The following MYO9A variants were observed in gnomAD, a reference collection of about 807,000 sequenced individuals.
The protein encoded by MYO9A is myosin IXA.
In MYO9A, 103 loss-of-function variants were observed where a neutral mutation model predicts 293.3. The ratio of observed to expected loss-of-function variants is 0.35; its 90% confidence interval spans 0.30 to 0.41. The LOEUF is 0.41. MYO9A is among the 10% of genes least tolerant of loss of function. MYO9A has a pLI of 1.00. For missense variants in MYO9A, 2,685 were observed against 3,033.0 expected (o/e 0.89, Z 2.69); for synonymous variants, 1,001 against 1,035.7 (o/e 0.97, Z 0.64).
intron 39 of MYO9A, among the ~76,000 whole-genome samples, chr15:71,846,056 C>T (rs1370135455): frequency 2.0e-5 from 3 of 152,138 alleles, no homozygotes; most frequent in African/African-American, 7.2e-5. Flanking sequence ...TTTTGGAAAA[C>T]TTGTATCTGC....
At chr15:71,893,917 C>T (rs2057249846) in intron 25 of MYO9A, 139 bp from the exon 26 acceptor site, 1 of 688,390 alleles carries the variant, frequency 1.5e-6, no homozygotes, top group East Asian at 2.7e-5. Flanking sequence ...ATTTTTTCTG[C>T]TTAGCTAATT....
intron 13 of MYO9A, among the ~76,000 whole-genome samples, chr15:71,967,231 T>C (rs143408133): frequency 6.6e-6 from 1 of 152,318 alleles, no homozygotes; most frequent in African/African-American, 2.4e-5. Context: ...CACATATATA[T>C]ATGCACACAC....
chr15:72,105,037 G>A (rs1203776218), intron 1 of MYO9A, among the ~76,000 whole-genome samples: 8 of 151,910 alleles, frequency 5.3e-5, no homozygotes, highest in South Asian at 2.1e-4. Flanking sequence ...AATAAAGCAG[G>A]CAAATCATCT....
intron 34 of MYO9A, among the ~76,000 whole-genome samples, chr15:71,855,441 T>C (rs28545732): frequency 0.024 from 3,699 of 152,262 alleles, 145 homozygotes; most frequent in African/African-American, 0.084. Flanking sequence ...CAGCCAATAT[T>C]ATACTTTATT....
intron 1 of MYO9A, among the ~76,000 whole-genome samples, chr15:72,057,738 A>G (rs1240969287): frequency 6.6e-6 from 1 of 152,244 alleles, no homozygotes; most frequent in Non-Finnish European, 1.5e-5. Flanking sequence ...TGAATGCATA[A>G]AAGAAGGCTC....
At chr15:71,961,247 T>C (rs1244930034) in intron 13 of MYO9A, among the ~76,000 whole-genome samples, 1 of 152,176 alleles carries the variant, frequency 6.6e-6, no homozygotes, top group Non-Finnish European at 1.5e-5. Flanking sequence ...AAAAACCTGC[T>C]GATTAATTAG....
Position 71,985,024 on chromosome 15 carries a change from A to G in MYO9A, c.1722+6079T>C, listed in dbSNP as rs1169798564. 2.0e-5 allele frequency among the ~76,000 whole-genome samples: 3 copies of G among 151,972 alleles called. 1 individual carries two copies. The highest frequency in any genetic ancestry group is 4.4e-5 in the Non-Finnish European group (3 of 67,966). ...AACCTCCGCCTCCTGGGTTCAAGCA[A>G]TTCTCCTCCCTCAGCCTCTTGTATA... On this transcript the variant is annotated intron_variant, in intron 11 of 41. Transcript: ENST00000356056.
At chr15:71,848,498 A>G (rs1370275944) in intron 39 of MYO9A, among the ~76,000 whole-genome samples, 2 of 152,178 alleles carry the variant, frequency 1.3e-5, no homozygotes, top group Non-Finnish European at 2.9e-5. Context: ...ACACGATTAA[A>G]GGCGGGAACA....
chr15:72,104,365 G>A (rs961561634), intron 1 of MYO9A, among the ~76,000 whole-genome samples: 1 of 152,176 alleles, frequency 6.6e-6, no homozygotes, highest in African/African-American at 2.4e-5. Context: ...TTATCAGGAT[G>A]TAACCCCACT....
At chr15:71,835,173 A>T (rs1383065716) in intron 39 of MYO9A, among the ~76,000 whole-genome samples, 1 of 152,200 alleles carries the variant, frequency 6.6e-6, no homozygotes, top group African/African-American at 2.4e-5. Flanking sequence ...GTACCTACAA[A>T]AATTCTATAG....
rs1358059682 is a variant in MYO9A at position 71,823,938 on chromosome 15, CTT to C, written c.*2640_*2641del. 6.6e-6 allele frequency: 1 copy of C among 152,244 alleles called. No homozygotes were observed. Among genetic ancestry groups the C allele is most frequent in the Non-Finnish European group, 1.5e-5 (1 of 68,054 alleles). The allele number at this position is 152,244 out of a possible 1,614,324, so 9.4% of individuals were successfully genotyped here. A position where few individuals can be genotyped will look rare whatever the true frequency, so the allele number is the denominator to read the frequency against. On this transcript the variant is annotated 3_prime_UTR_variant, in exon 42 of 42. Transcript: ENST00000356056. ...GCGGCATCACTTTGTGGTGACATAA[CTT>C]TACCATGCAGAGGGCCAGTGAGAAC... is the stretch of plus-strand genomic sequence containing the variant.
chr15:71,884,010 T>A (rs1596103793), intron 27 of MYO9A, among the ~76,000 whole-genome samples: 3 of 152,136 alleles, frequency 2.0e-5, no homozygotes, highest in Admixed American at 2.0e-4. Flanking sequence ...AAGTTCAATA[T>A]TTTTTCTAAG....
Position 71,935,434 on chromosome 15 carries a change from C to T in MYO9A, c.2429G>A (p.Arg810Lys), listed in dbSNP as rs774202669. 6.2e-7 allele frequency: 1 copy of T among 1,613,534 alleles called. No individual in the cohort carries two copies. Among genetic ancestry groups the T allele is most frequent in the South Asian group, 1.1e-5 (1 of 91,066 alleles). Residue 810 changes from arginine (R) to lysine (K), a missense_variant, in exon 17 of 42, where the codon AGA becomes AAA. This residue lies in a region of MYO9A where 1,434 missense variants were observed against 1,497.7 expected (regional missense o/e 0.96). Coordinates refer to ENST00000356056, the MANE Select transcript of MYO9A (RefSeq NM_006901.4). ...WNGRTGIRQSRLSSGTSLLDK... is the reference protein window; with the variant it reads ...WNGRTGIRQSKLSSGTSLLDK... Reference sequence around the variant, plus strand: ...AAGCAAGGAGGTGCCACTTGATAGTCTGCTCTGGCGAATCCCAGTTCTGCC... The same window carrying T: ...AAGCAAGGAGGTGCCACTTGATAGTTTGCTCTGGCGAATCCCAGTTCTGCC...
intron 13 of MYO9A, 163 bp from the exon 14 acceptor site, chr15:71,960,259 G>A (rs2059295330): frequency 3.2e-6 from 2 of 620,640 alleles, no homozygotes. Context: ...TTGGGTCATG[G>A]AGGCAGATCC....
chr15:72,110,850 C>T (rs570250083), intron 1 of MYO9A, among the ~76,000 whole-genome samples: 1 of 152,288 alleles, frequency 6.6e-6, no homozygotes, highest in African/African-American at 2.4e-5. Flanking sequence ...AAAAGCCACA[C>T]AGTGAAATTC....
intron 1 of MYO9A, among the ~76,000 whole-genome samples, chr15:72,107,050 G>A (rs1464634747): frequency 6.6e-6 from 1 of 152,040 alleles, no homozygotes; most frequent in Non-Finnish European, 1.5e-5. Flanking sequence ...GATTTTCAAC[G>A]TAAAGGAGAT....
At chr15:72,017,309 G>C (rs947294665) in intron 6 of MYO9A, among the ~76,000 whole-genome samples, 2 of 151,868 alleles carry the variant, frequency 1.3e-5, no homozygotes, top group African/African-American at 4.8e-5. Context: ...CACTACTCTC[G>C]GCCCCCAAAT....
At chr15:71,988,480 G>C (rs571915393) in intron 11 of MYO9A, among the ~76,000 whole-genome samples, 10 of 152,272 alleles carry the variant, frequency 6.6e-5, no homozygotes, top group Non-Finnish European at 1.2e-4. Context: ...CAAAGCTCTA[G>C]GGTAGCATCT....
chr15:71,951,759 C>T lies in MYO9A; in HGVS notation c.2302+18G>A, dbSNP rs761180470. The T allele has an allele frequency of 9.3e-6, 15 of 1,613,354 alleles. No individual in the cohort carries two copies. The highest frequency in any genetic ancestry group is 1.3e-5 in the Non-Finnish European group (15 of 1,179,762). ...AAATGGATATGTGATAACAGTTTAT[C>T]AGGATTTGTAGCCTTACTGTACTTC... is the stretch of plus-strand genomic sequence containing the variant. On this transcript the variant is annotated intron_variant, in intron 15 of 41. Transcript: ENST00000356056.
Sources: gnomAD v4.1 joint callset for allele counts (sites outside exome capture counted in the v4.1 genomes callset) on GRCh38, gnomAD v4.1.1 for gene constraint, gnomAD v4.1.1 regional missense constraint, MANE v1.5 for transcripts, NCBI Gene and HGNC (gene_info 2026-07-23, HGNC 2026-07-21) for gene names.